ITGB5: variants seen among roughly 807,000 people sequenced by gnomAD.
The protein encoded by ITGB5 is integrin beta-5.
A neutral mutation model predicts 84.8 loss-of-function variants in ITGB5; 38 were observed. The ratio of observed to expected loss-of-function variants is 0.45; its 90% CI spans 0.35 to 0.59. The LOEUF is 0.59. ITGB5 is among the 20% of genes least tolerant of loss of function. The probability of loss-of-function intolerance (pLI) is 0.01; values close to 1 mark genes in which losing one functional copy is unlikely to be tolerated. For synonymous variants in ITGB5, 393 were observed against 414.4 expected, an observed-to-expected ratio of 0.95 and a Z score of 0.63; for missense variants, 905 against 1,034.5, an observed-to-expected ratio of 0.87 and a Z score of 1.72.
chr3:124,805,731 C>A (rs1259118287), intron 9 of ITGB5, among the ~76,000 whole-genome samples: 2 of 151,902 alleles, frequency 1.3e-5, no homozygotes, highest in Non-Finnish European at 2.9e-5. Context: ...AGATTACAGG[C>A]ATGAGCCACT....
At chr3:124,882,033 G>A (rs72974571) in intron 1 of ITGB5, among the ~76,000 whole-genome samples, 5,523 of 152,124 alleles carry the variant, frequency 0.036, 333 homozygotes, top group African/African-American at 0.12. Context: ...CTAACAAGCC[G>A]CATGCATAGT....
At chr3:124,856,514 T>A (rs1305924497) in intron 3 of ITGB5, among the ~76,000 whole-genome samples, 1 of 152,188 alleles carries the variant, frequency 6.6e-6, no homozygotes, top group Non-Finnish European at 1.5e-5. Flanking sequence ...GAGGTGTGAA[T>A]TTTTTTCCTA....
chr3:124,864,006 G>C (rs868374058), intron 2 of ITGB5, among the ~76,000 whole-genome samples: 2 of 124,070 alleles, frequency 1.6e-5, no homozygotes, highest in Non-Finnish European at 3.5e-5. Context: ...GAAAGAGAGA[G>C]AGAGGAGAAA....
At chr3:124,797,126 TCA>T (rs1209641398) in intron 9 of ITGB5, among the ~76,000 whole-genome samples, 2 of 152,146 alleles carry the variant, frequency 1.3e-5, no homozygotes, top group African/African-American at 4.8e-5. Context: ...TTCCTTGAGT[TCA>T]CACAGTTCTT....
chr3:124,798,317 C>CT (rs1420134573), intron 9 of ITGB5, among the ~76,000 whole-genome samples: 2 of 151,928 alleles, frequency 1.3e-5, no homozygotes, highest in African/African-American at 4.8e-5. Context: ...TCCCAAAGTG[C>CT]TGGGATTACA....
intron 9 of ITGB5, among the ~76,000 whole-genome samples, chr3:124,797,141 TCTCC>T (rs1353091612): frequency 1.3e-5 from 2 of 152,140 alleles, no homozygotes; most frequent in Non-Finnish European, 2.9e-5. Context: ...CAGTTCTTAT[TCTCC>T]CTTTCTTTTC....
rs1199194965 is a variant in ITGB5, at chr3:124,843,437, T to C, written c.612-1886A>G. On this transcript the variant is annotated intron_variant, in intron 4 of 14. Transcript: ENST00000296181. Reference sequence around the variant, plus strand: ...ATGATTGCTGTTTAACCAGGAAAGCTGTGACAAACTCAGCTACAGCTCAGC... The same window carrying C: ...ATGATTGCTGTTTAACCAGGAAAGCCGTGACAAACTCAGCTACAGCTCAGC... Among the ~76,000 whole-genome samples, 3 of 152,366 alleles carry C rather than the reference T, an allele frequency of 2.0e-5. No homozygotes were observed. In the South Asian group the frequency reaches 6.2e-4, roughly 32 times the overall value.
rs376385936 is a variant in ITGB5, at chr3:124,808,041, G to A, written c.1263+981C>T. On this transcript the variant is annotated intron_variant, in intron 9 of 14. Coordinates refer to ENST00000296181, the MANE Select transcript of ITGB5 (RefSeq NM_002213.5). Reference sequence around the variant, plus strand: ...CAAGTGTGAAGGCAGGGATGGGAGAGGATCTACAGTGGAATATGGAGAAAC... The same window carrying A: ...CAAGTGTGAAGGCAGGGATGGGAGAAGATCTACAGTGGAATATGGAGAAAC... 2.9e-4 allele frequency among the ~76,000 whole-genome samples: 44 copies of A among 149,446 alleles called. No homozygotes were observed. In the South Asian group the frequency reaches 7.4e-3, roughly 25 times the overall value.
intron 2 of ITGB5, among the ~76,000 whole-genome samples, chr3:124,870,545 G>A (rs1397082220): frequency 6.6e-6 from 1 of 152,236 alleles, no homozygotes; most frequent in Non-Finnish European, 1.5e-5. Context: ...TGGCCAAGAC[G>A]GTGAAACCCC....
At chr3:124,770,909 C>A (rs1432044820) in intron 11 of ITGB5, among the ~76,000 whole-genome samples, 1 of 152,004 alleles carries the variant, frequency 6.6e-6, no homozygotes, top group Non-Finnish European at 1.5e-5. Flanking sequence ...CCACCCTCCC[C>A]CTGCACCAGC....
chr3:124,881,651 T>C (rs1934575081), intron 1 of ITGB5, among the ~76,000 whole-genome samples: 2 of 152,054 alleles, frequency 1.3e-5, no homozygotes, highest in Non-Finnish European at 2.9e-5. Flanking sequence ...GTAGACCAAA[T>C]GGCCTCCATA....
intron 5 of ITGB5, among the ~76,000 whole-genome samples, chr3:124,837,188 C>T (rs2064946829): frequency 6.6e-6 from 1 of 152,204 alleles, no homozygotes. Context: ...AACTGCTCAC[C>T]CTCTGTCCTC....
chr3:124,768,464 G>A (rs993136189), intron 12 of ITGB5, among the ~76,000 whole-genome samples: 7 of 152,166 alleles, frequency 4.6e-5, no homozygotes, highest in African/African-American at 1.7e-4. Context: ...CTGTCTCCAT[G>A]GCTTTCTCTG....
At chr3:124,831,197 T>G (rs1000225881) in intron 5 of ITGB5, among the ~76,000 whole-genome samples, 1 of 152,134 alleles carries the variant, frequency 6.6e-6, no homozygotes, top group African/African-American at 2.4e-5. Flanking sequence ...ACCACCCACT[T>G]ATCCCCTCTG....
chr3:124,774,997 C>T (rs979199161), intron 10 of ITGB5, among the ~76,000 whole-genome samples: 1 of 152,234 alleles, frequency 6.6e-6, no homozygotes, highest in Non-Finnish European at 1.5e-5. Context: ...CCCAGAGAGT[C>T]TGGCTCCAGA....
chr3:124,842,733 A>G (rs764803838), intron 4 of ITGB5, among the ~76,000 whole-genome samples: 1 of 152,238 alleles, frequency 6.6e-6, no homozygotes, highest in Non-Finnish European at 1.5e-5. Context: ...AGCTGCATAC[A>G]TGGGAAAGAA....
chr3:124,771,391 GA>G (rs909163674), intron 11 of ITGB5, among the ~76,000 whole-genome samples: 1 of 151,764 alleles, frequency 6.6e-6, no homozygotes, highest in Non-Finnish European at 1.5e-5. Flanking sequence ...CGTTTAAAAA[GA>G]AAAAAAAGTT....
At chr3:124,772,914 T>TTTTC (rs2063868263) in intron 11 of ITGB5, among the ~76,000 whole-genome samples, 1 of 148,514 alleles carries the variant, frequency 6.7e-6, no homozygotes, top group South Asian at 2.1e-4. Context: ...CAATTTACTT[T>TTTTC]TTTTTTTTTT....
intron 5 of ITGB5, among the ~76,000 whole-genome samples, chr3:124,827,228 CTCAG>C (rs1174941255): frequency 6.6e-6 from 1 of 152,202 alleles, no homozygotes; most frequent in Non-Finnish European, 1.5e-5. Context: ...CTGTGGGCCC[CTCAG>C]TCAGTCACTT....
Sources: allele counts gnomAD v4.1 joint callset (sites outside exome capture counted in the v4.1 genomes callset), GRCh38; gene constraint gnomAD v4.1.1; transcripts MANE v1.5; gene names NCBI Gene and HGNC (gene_info 2026-07-23, HGNC 2026-07-21).